MAT2B: variants seen among roughly 807,000 people sequenced by gnomAD.
MAT2B encodes the protein methionine adenosyltransferase 2 non-catalytic beta subunit.
Under a neutral mutation model 36.1 loss-of-function variants are expected in MAT2B, and 16 were observed. The ratio of observed to expected loss-of-function variants is 0.44; its 90% CI spans 0.30 to 0.67. The LOEUF (loss-of-function observed/expected upper bound fraction) is 0.67, where lower values mean the gene tolerates loss of function less well. MAT2B is among the 30% of genes least tolerant of loss of function. The pLI, the probability that MAT2B is intolerant of heterozygous loss-of-function variation, is 0.09. For synonymous variants in MAT2B, 148 were observed against 136.9 expected (o/e 1.08, Z -0.57); for missense variants, 332 against 398.2 (o/e 0.83, Z 1.42).
intron 1 of MAT2B, among the ~76,000 whole-genome samples, chr5:163,507,173 C>G (rs1459979656): frequency 6.6e-6 from 1 of 152,158 alleles, no homozygotes; most frequent in Non-Finnish European, 1.5e-5. Context: ...AAGGTATTTA[C>G]CACTGAAATT....
intron 1 of MAT2B, among the ~76,000 whole-genome samples, chr5:163,511,223 C>T (rs1404320505): frequency 6.6e-6 from 1 of 151,786 alleles, no homozygotes; most frequent in Non-Finnish European, 1.5e-5. Context: ...TGCATATCAT[C>T]TTGTGTTCCT....
At chr5:163,514,079 A>G in intron 4 of MAT2B, 85 bp downstream of exon 4, 1 of 1,128,052 alleles carries the variant, frequency 8.9e-7, no homozygotes, top group Non-Finnish European at 1.2e-6. Flanking sequence ...TTTTAAATTT[A>G]AAAAGTCAAT....
chr5:163,504,931 C>T (rs1236276809), upstream of MAT2B, among the ~76,000 whole-genome samples: 1 of 152,108 alleles, frequency 6.6e-6, no homozygotes, highest in Non-Finnish European at 1.5e-5. Context: ...AGTCGGACCC[C>T]GGGCTCGTTT....
intron 1 of MAT2B, among the ~76,000 whole-genome samples, chr5:163,507,578 C>T (rs774773685): frequency 2.6e-4 from 40 of 152,164 alleles, no homozygotes; most frequent in Non-Finnish European, 5.0e-4. Flanking sequence ...ATTATCAACT[C>T]TTTATTGTGC....
rs574740074 is a variant in MAT2B, at chr5:163,510,376, T to C, written c.64-1626T>C. 5.3e-5 allele frequency among the ~76,000 whole-genome samples: 8 copies of C among 151,864 alleles called. No individual in the cohort carries two copies. The East Asian group carries it at 1.2e-3, about 22-fold the overall frequency. ...GCTTAAAATATTTTTTCTTATCCTT[T>C]GCGTTTATTAGTTTTAGCTTTTTTT... On this transcript the variant is annotated intron_variant, in intron 1 of 6. Transcript: ENST00000321757.
chr5:163,515,770 CTTTTTTTTTT>C (rs66978639), intron 4 of MAT2B, among the ~76,000 whole-genome samples: 8 of 69,810 alleles, frequency 1.1e-4, no homozygotes, highest in African/African-American at 2.2e-4. Context: ...TTGCCTTTTT[CTTTTTTTTTT>C]TTTTTTTTTT....
intron 4 of MAT2B, among the ~76,000 whole-genome samples, chr5:163,515,770 C>CTTTTTTTTTTTTTTTTTTT (rs66978639): frequency 2.9e-5 from 2 of 69,780 alleles, no homozygotes; most frequent in African/African-American, 1.5e-4. Flanking sequence ...TTGCCTTTTT[C>CTTTTTTTTTTTTTTTTTTT]TTTTTTTTTT....
Position 163,517,549 on chromosome 5 carries a change from C to T in MAT2B, c.721-12C>T, listed in dbSNP as rs775457972. 17 of 1,487,094 alleles carry T rather than the reference C, an allele frequency of 1.1e-5. No individual in the cohort carries two copies. In the Admixed American group the frequency reaches 2.2e-4, roughly 19 times the overall value. The allele number at this position is 1,487,094 out of a possible 1,614,324, so 92.1% of individuals were successfully genotyped here. On this transcript the variant is annotated splice_polypyrimidine_tract_variant and intron_variant, in intron 5 of 6. Transcript: ENST00000321757. The stretch of plus-strand genomic sequence containing the variant: ...GTTGAAACTATTGAATTTATTGTGT[C>T]ATCGTTCTTAGGATCCATCAATTAA...
intron 1 of MAT2B, among the ~76,000 whole-genome samples, chr5:163,510,254 G>A (rs960516180): frequency 2.6e-5 from 4 of 152,142 alleles, no homozygotes; most frequent in Non-Finnish European, 5.9e-5. Flanking sequence ...TTGGAACTAT[G>A]CTTGGAAACA....
Position 163,518,198 on chromosome 5 carries a change from T to C in MAT2B, c.840T>C (p.Thr280=), listed in dbSNP as rs1267137967. The change falls in exon 7 of 7, where the codon ACT becomes ACC. Residue 280 remains threonine, a synonymous_variant. Coordinates refer to ENST00000321757, the MANE Select transcript of MAT2B (RefSeq NM_013283.5). ...GTGTTTATCTTTCTTTAAAGATTACTGACAGCCCTGTCCTAGGAGCACAAC... is the reference window on the plus strand; with the variant it reads ...GTGTTTATCTTTCTTTAAAGATTACCGACAGCCCTGTCCTAGGAGCACAAC... ...NLPSSHLRPI[T]DSPVLGAQRP... The C allele has an allele frequency of 1.3e-6, 2 of 1,591,388 alleles. No homozygotes were observed. The highest frequency in any genetic ancestry group is 2.2e-5 in the East Asian group (1 of 44,510).
At chr5:163,503,874 AT>A (rs1442176380), upstream of MAT2B, among the ~76,000 whole-genome samples, 5 of 152,330 alleles carry the variant, frequency 3.3e-5, no homozygotes, top group Admixed American at 2.0e-4. Context: ...ATGGCGTTTG[AT>A]TCGCATAGAC....
chr5:163,503,829 C>T (rs1380697075), upstream of MAT2B, among the ~76,000 whole-genome samples: 3 of 152,186 alleles, frequency 2.0e-5, no homozygotes, highest in Non-Finnish European at 4.4e-5. Flanking sequence ...ATAGACTTAG[C>T]CACCACACGA....
Position 163,518,529 on chromosome 5 carries a change from G to C in MAT2B, c.*166G>C. The C allele has an allele frequency of 1.9e-6, 1 of 534,616 alleles. No individual in the cohort carries two copies. Among genetic ancestry groups the C allele is most frequent in the Non-Finnish European group, 3.1e-6 (1 of 318,728 alleles). 33.1% of individuals were successfully genotyped at this position (534,616 alleles called of 1,614,324 possible). A position where few individuals can be genotyped will look rare whatever the true frequency, so the allele number is the denominator to read the frequency against. The stretch of plus-strand genomic sequence containing the variant: ...AGTGAAATTGTCTAAAGAAACTAAA[G>C]GGCAGTCATGCCCTGTTTGCAGTAA... On this transcript the variant is annotated 3_prime_UTR_variant, in exon 7 of 7. Transcript: ENST00000321757.
Position 163,518,240 on chromosome 5 carries a change from G to A in MAT2B, c.882G>A (p.Gln294=), listed in dbSNP as rs1348510388. 6.2e-7 allele frequency: 1 copy of A among 1,613,684 alleles called. No homozygotes were observed. Among genetic ancestry groups the A allele is most frequent in the South Asian group, 1.1e-5 (1 of 90,972 alleles). ...GAGCACAACGTCCGAGAAATGCTCA[G>A]CTTGACTGCTCCAAATTGGAGACCT... is the stretch of plus-strand genomic sequence containing the variant. ...VLGAQRPRNA[Q]LDCSKLETLG... Residue 294 remains glutamine, a synonymous_variant, in exon 7 of 7, where the codon CAG becomes CAA. Coordinates refer to ENST00000321757, the MANE Select transcript of MAT2B (RefSeq NM_013283.5).
In MAT2B at chr5:163,516,710, T is replaced by A; in HGVS notation, c.719T>A (p.Leu240Gln). 1 of 1,614,114 alleles carries A rather than the reference T, an allele frequency of 6.2e-7. No homozygotes were observed. Among genetic ancestry groups the A allele is most frequent in the Non-Finnish European group, 8.5e-7 (1 of 1,180,024 alleles). Reference protein sequence around the residue: ...VCRQLAEKRMLDPSIKGTFHW... With the variant: ...VCRQLAEKRMQDPSIKGTFHW... The stretch of plus-strand genomic sequence containing the variant: ...CGGCAGCTAGCAGAGAAGAGAATGC[T>A]GGTAAGAAGGATTCCTGAGTCCTGT... The change falls in exon 5 of 7, where the codon CTG (leucine) becomes CAG (glutamine). Residue 240 changes from leucine to glutamine, a missense_variant and splice_region_variant. Coordinates refer to ENST00000321757, the MANE Select transcript of MAT2B (RefSeq NM_013283.5).
At chr5:163,513,384 T>A (rs895187179) in intron 2 of MAT2B, 171 bp from the exon 3 acceptor site, 1 of 534,180 alleles carries the variant, frequency 1.9e-6, no homozygotes, top group Admixed American at 3.3e-5. Context: ...GTTTGAACCT[T>A]GCGGGGAAAA....
intron 1 of MAT2B, among the ~76,000 whole-genome samples, chr5:163,506,600 G>T (rs1339485254): frequency 6.6e-6 from 1 of 152,150 alleles, no homozygotes; most frequent in Non-Finnish European, 1.5e-5. Context: ...TTCTGTTATT[G>T]CAAAGTTTTC....
chr5:163,515,104 C>T (rs1447634803), intron 4 of MAT2B, among the ~76,000 whole-genome samples: 1 of 152,146 alleles, frequency 6.6e-6, no homozygotes, highest in East Asian at 1.9e-4. Context: ...CTGATGACCA[C>T]CTAAACACCT....
chr5:163,504,145 G>T (rs931157967), upstream of MAT2B, among the ~76,000 whole-genome samples: 5 of 152,066 alleles, frequency 3.3e-5, no homozygotes, highest in Non-Finnish European at 7.4e-5. Context: ...CACGTGTTGC[G>T]ACTAGAAACT....
Sources: allele counts gnomAD v4.1 joint callset (sites outside exome capture counted in the v4.1 genomes callset), GRCh38; gene constraint gnomAD v4.1.1; transcripts MANE v1.5; gene names NCBI Gene and HGNC (gene_info 2026-07-23, HGNC 2026-07-21).